The following NDST4 variants were observed in gnomAD, a reference collection of about 807,000 sequenced individuals.
NDST4 encodes N-heparan sulfate sulfotransferase 4.
A neutral mutation model predicts 100.8 loss-of-function variants in NDST4; 63 were observed. The ratio of observed to expected loss-of-function variants is 0.62; its 90% confidence interval spans 0.51 to 0.77. NDST4 has a LOEUF of 0.77. NDST4 is among the 30% of genes least tolerant of loss of function. NDST4 has a pLI of 0.00. For synonymous variants in NDST4, 377 were observed against 361.8 expected (o/e 1.04, Z -0.48); for missense variants, 943 against 1,018.4 (o/e 0.93, Z 1.01).
At chr4:114,990,298 T>A (rs1435754243) in intron 2 of NDST4, among the ~76,000 whole-genome samples, 5 of 152,088 alleles carry the variant, frequency 3.3e-5, no homozygotes, top group Non-Finnish European at 5.9e-5. Context: ...ATTCACTGAA[T>A]TATTAAAATA....
At chr4:115,069,915 A>G (rs1391805981) in intron 2 of NDST4, among the ~76,000 whole-genome samples, 1 of 152,112 alleles carries the variant, frequency 6.6e-6, no homozygotes, top group African/African-American at 2.4e-5. Flanking sequence ...TAAAAGTTAA[A>G]AAATAACAGT....
chr4:115,057,707 CACACACACACACACACACACACACACAG>C (rs1427038775), intron 2 of NDST4, among the ~76,000 whole-genome samples: 9 of 93,530 alleles, frequency 9.6e-5, no homozygotes, highest in African/African-American at 5.6e-4. Context: ...CGCACGCACA[CACACACACACACACACACACACACACAG>C]ACACACACAC....
intron 6 of NDST4, among the ~76,000 whole-genome samples, chr4:114,884,529 C>T (rs1277638399): frequency 6.6e-6 from 1 of 152,050 alleles, no homozygotes; most frequent in African/African-American, 2.4e-5. Flanking sequence ...GATAGTAGTT[C>T]TTTAAGTCTC....
intron 2 of NDST4, among the ~76,000 whole-genome samples, chr4:115,002,069 T>A (rs1727303121): frequency 6.6e-6 from 1 of 152,034 alleles, no homozygotes; most frequent in Non-Finnish European, 1.5e-5. Context: ...GTAAAAGGAG[T>A]AATATAAAAT....
intron 4 of NDST4, among the ~76,000 whole-genome samples, chr4:114,938,995 T>G (rs1266484806): frequency 2.6e-5 from 4 of 152,202 alleles, no homozygotes; most frequent in Non-Finnish European, 4.4e-5. Flanking sequence ...CACTTGTGTT[T>G]CCAACACAAG....
intron 2 of NDST4, among the ~76,000 whole-genome samples, chr4:115,050,350 T>G (rs1203686748): frequency 6.6e-6 from 1 of 152,012 alleles, no homozygotes; most frequent in Non-Finnish European, 1.5e-5. Context: ...ATCTATATAA[T>G]CAATCATAAA....
At chr4:114,980,117 G>A (rs1481709480) in intron 2 of NDST4, among the ~76,000 whole-genome samples, 3 of 152,114 alleles carry the variant, frequency 2.0e-5, no homozygotes, top group African/African-American at 7.2e-5. Context: ...AATGTCAGAA[G>A]AAATATTAGG....
intron 6 of NDST4, among the ~76,000 whole-genome samples, chr4:114,930,317 A>G (rs1372598845): frequency 6.6e-6 from 1 of 152,200 alleles, no homozygotes; most frequent in Non-Finnish European, 1.5e-5. Flanking sequence ...GTTTCTTGCC[A>G]AAGATCACAG....
chr4:114,889,728 C>CT (rs1481126009), intron 6 of NDST4, among the ~76,000 whole-genome samples: 1 of 152,126 alleles, frequency 6.6e-6, no homozygotes, highest in African/African-American at 2.4e-5. Flanking sequence ...ACAGCCTTGA[C>CT]TGGGGGGAGA....
At chr4:115,098,814 C>T (rs778114002) in intron 1 of NDST4, among the ~76,000 whole-genome samples, 8 of 152,274 alleles carry the variant, frequency 5.3e-5, no homozygotes, top group Admixed American at 2.0e-4. Flanking sequence ...ATCTTCCCAC[C>T]GCAGCCTTCT....
intron 2 of NDST4, among the ~76,000 whole-genome samples, chr4:115,030,821 G>A (rs1263507599): frequency 6.6e-6 from 1 of 152,064 alleles, no homozygotes; most frequent in Non-Finnish European, 1.5e-5. Flanking sequence ...ACTGCATCAT[G>A]TTCTATCGAG....
chr4:115,059,834 G>A (rs533367551), intron 2 of NDST4, among the ~76,000 whole-genome samples: 2 of 152,048 alleles, frequency 1.3e-5, no homozygotes, highest in East Asian at 3.9e-4. Context: ...AGGAGAAGTT[G>A]CAATAGCTCT....
In NDST4 at chr4:115,026,737, T is replaced by C. The variant is rs1289929851; in HGVS notation, c.978+49322A>G. ...TGACTGAGAATTTGCCTCAGAGAGA[T>C]AGGCAGGCACAGCATTGTGAAGGTT... On this transcript the variant is annotated intron_variant, in intron 2 of 13. Transcript: ENST00000264363. Among the ~76,000 whole-genome samples the C allele has an allele frequency of 4.0e-5, 6 of 151,812 alleles. No homozygotes were observed. The East Asian group carries it at 1.2e-3, about 30-fold the overall frequency.
At chr4:115,084,025 C>G (rs1729360189) in intron 1 of NDST4, among the ~76,000 whole-genome samples, 1 of 152,066 alleles carries the variant, frequency 6.6e-6, no homozygotes, top group African/African-American at 2.4e-5. Context: ...GAGGTTGGAA[C>G]AGTTTGGAAG....
intron 6 of NDST4, among the ~76,000 whole-genome samples, chr4:114,882,245 T>A (rs148835729): frequency 6.6e-6 from 1 of 152,112 alleles, no homozygotes; most frequent in East Asian, 1.9e-4. Flanking sequence ...GAAAGTATCT[T>A]CACTGGAGTT....
intron 2 of NDST4, among the ~76,000 whole-genome samples, chr4:115,060,413 A>G (rs1426349609): frequency 1.3e-5 from 2 of 152,038 alleles, no homozygotes; most frequent in Non-Finnish European, 2.9e-5. Context: ...GTAGTCTTTA[A>G]GCATCATAAA....
intron 2 of NDST4, among the ~76,000 whole-genome samples, chr4:115,065,231 C>G (rs1459019090): frequency 6.6e-6 from 1 of 152,036 alleles, no homozygotes; most frequent in Non-Finnish European, 1.5e-5. Context: ...CTACTTTCCA[C>G]TCCTTATCTC....
intron 7 of NDST4, among the ~76,000 whole-genome samples, chr4:114,860,081 A>C (rs1723887311): frequency 1.3e-5 from 2 of 152,192 alleles, no homozygotes; most frequent in African/African-American, 2.4e-5. Flanking sequence ...ATTATGTTAG[A>C]ATTTACCTTG....
chr4:115,079,232 G>A (rs1461028506), intron 1 of NDST4, among the ~76,000 whole-genome samples: 1 of 151,650 alleles, frequency 6.6e-6, no homozygotes, highest in Non-Finnish European at 1.5e-5. Flanking sequence ...CATGCCTGTA[G>A]TCCCAGCTAC....
Sources: gnomAD v4.1 joint callset for allele counts (sites outside exome capture counted in the v4.1 genomes callset) on GRCh38, gnomAD v4.1.1 for gene constraint, MANE v1.5 for transcripts, NCBI Gene and HGNC (gene_info 2026-07-23, HGNC 2026-07-21) for gene names.